Variants in DCDC2 observed in about 807,000 individuals in gnomAD.
The protein encoded by DCDC2 is doublecortin domain-containing protein 2.
In DCDC2, 40 loss-of-function variants were observed where a neutral mutation model predicts 50.2. The observed-to-expected ratio is 0.80, with a 90% confidence interval of 0.62 to 1.04. The LOEUF is 1.04. DCDC2 is among the 50% of genes least tolerant of loss of function. The pLI is 0.00. For synonymous variants in DCDC2, 234 were observed against 210.6 expected (o/e 1.11, Z -0.96); for missense variants, 570 against 581.9 (o/e 0.98, Z 0.21).
intron 2 of DCDC2, among the ~76,000 whole-genome samples, chr6:24,334,929 G>A (rs1347064253): frequency 6.6e-6 from 1 of 152,158 alleles, no homozygotes; most frequent in Non-Finnish European, 1.5e-5. Context: ...AGACAAAGCA[G>A]GCAGAGCAGT....
intron 2 of DCDC2, among the ~76,000 whole-genome samples, chr6:24,349,348 C>T (rs1760322146): frequency 6.6e-6 from 1 of 152,212 alleles, no homozygotes; most frequent in Non-Finnish European, 1.5e-5. Context: ...ATGTCTTAAT[C>T]ATTTTGCTTA....
rs370578665 is a variant in DCDC2, at chr6:24,263,098, C to A, written c.922+14951G>T. Among the ~76,000 whole-genome samples the A allele has an allele frequency of 3.2e-4, 48 of 152,364 alleles. 2 individuals carry two copies. In the South Asian group the frequency reaches 8.3e-3, roughly 26 times the overall value. ...TCTCTGCCTGGTAATGCAGGGAATT[C>A]TCTTGGATCTTACCCCAGATCACCA... On this transcript the variant is annotated intron_variant, in intron 7 of 9. Transcript: ENST00000378454.
At chr6:24,233,327 T>A (rs569301507) in intron 7 of DCDC2, among the ~76,000 whole-genome samples, 5 of 152,222 alleles carry the variant, frequency 3.3e-5, no homozygotes, top group African/African-American at 9.6e-5. Context: ...TCATATTATG[T>A]GGCGTGGTTA....
At chr6:24,370,738 G>A in the DCDC2 span, among the ~76,000 whole-genome samples, 3 of 151,954 alleles carry the variant, frequency 2.0e-5, no homozygotes, top group South Asian at 2.1e-4. Flanking sequence ...ACGTAGATTC[G>A]CATACAAAAA....
intron 7 of DCDC2, among the ~76,000 whole-genome samples, chr6:24,205,616 C>T (rs1761703501): frequency 1.3e-5 from 2 of 152,010 alleles, no homozygotes; most frequent in Admixed American, 1.3e-4. Context: ...TTCCATATCT[C>T]ACCAAAAAAT....
intron 7 of DCDC2, among the ~76,000 whole-genome samples, chr6:24,214,389 A>G (rs1049535326): frequency 5.9e-5 from 9 of 152,190 alleles, no homozygotes; most frequent in Non-Finnish European, 1.2e-4. Flanking sequence ...TTATTCCTAC[A>G]CTTCTGTTAT....
At chr6:24,348,810 T>C (rs1285194077) in intron 2 of DCDC2, among the ~76,000 whole-genome samples, 1 of 152,128 alleles carries the variant, frequency 6.6e-6, no homozygotes, top group Admixed American at 6.5e-5. Flanking sequence ...CACTAGATAA[T>C]CATAGCTAGT....
chr6:24,216,391 A>C (rs532887791), intron 7 of DCDC2, among the ~76,000 whole-genome samples: 1 of 152,302 alleles, frequency 6.6e-6, no homozygotes, highest in South Asian at 2.1e-4. Context: ...CCAAAGGAAT[A>C]ATCAGTATTA....
chr6:24,236,835 C>T (rs1232383163), intron 7 of DCDC2, among the ~76,000 whole-genome samples: 1 of 152,028 alleles, frequency 6.6e-6, no homozygotes. Flanking sequence ...TATGGTAAAA[C>T]CCCATCTCTA....
the DCDC2 span, among the ~76,000 whole-genome samples, chr6:24,371,014 G>A: frequency 3.9e-5 from 6 of 152,032 alleles, no homozygotes; most frequent in African/African-American, 1.4e-4. Context: ...TAAAGAACAC[G>A]CCTGTAATCC....
chr6:24,201,172 T>C (rs2876667), intron 8 of DCDC2, among the ~76,000 whole-genome samples: 27,159 of 151,954 alleles, frequency 0.18, 2,781 homozygotes, highest in African/African-American at 0.25. Flanking sequence ...ATCAACAGAA[T>C]CCACCACCCC....
At chr6:24,283,172 A>G (rs1181614875) in intron 6 of DCDC2, among the ~76,000 whole-genome samples, 1 of 152,212 alleles carries the variant, frequency 6.6e-6, no homozygotes, top group East Asian at 1.9e-4. Context: ...TGTCACTAGA[A>G]AACAGCCTTC....
At chr6:24,208,613 AC>A (rs1234171611) in intron 7 of DCDC2, among the ~76,000 whole-genome samples, 2 of 150,918 alleles carry the variant, frequency 1.3e-5, no homozygotes, top group African/African-American at 2.4e-5. Context: ...CAGGTGATCC[AC>A]CCTCCTCAGC....
At chr6:24,301,612 G>A in intron 4 of DCDC2, 103 bp downstream of exon 4, 1 of 1,401,152 alleles carries the variant, frequency 7.1e-7, no homozygotes, top group Non-Finnish European at 9.8e-7. Context: ...GGGCCTAACT[G>A]GGGAGCCAAA....
chr6:24,255,160 C>T (rs1762876663), intron 7 of DCDC2, among the ~76,000 whole-genome samples: 1 of 152,146 alleles, frequency 6.6e-6, no homozygotes, highest in East Asian at 1.9e-4. Context: ...AACTGATTCA[C>T]ATATACATAA....
rs1763812348 is a variant in DCDC2 at position 24,294,202 on chromosome 6, C to CA, written c.558-3125dup. On this transcript the variant is annotated intron_variant, in intron 4 of 9. Transcript: ENST00000378454. ...TGAAACCCCGTCTCTACAAAAAATACAAAAAAATTAGCTGGGTATGGTGGC... is the reference window on the plus strand; with the variant it reads ...TGAAACCCCGTCTCTACAAAAAATACAAAAAAAATTAGCTGGGTATGGTGGC... Among the ~76,000 whole-genome samples the CA allele has an allele frequency of 2.0e-5, 3 of 151,884 alleles. No individual in the cohort carries two copies. In the South Asian group the frequency reaches 6.3e-4, roughly 32 times the overall value.
rs60603298 is a variant in DCDC2, at chr6:24,207,256, T to TTCTCTCTCTCTCTCTCTC, written c.923-2172_923-2155dup. On this transcript the variant is annotated intron_variant, in intron 7 of 9. Transcript: ENST00000378454. ...CTTCCCTCCCTCACTCCATCTATCTTTCTCTCTCTCTCTCTCTCTCTCTCT... is the reference window on the plus strand; with the variant it reads ...CTTCCCTCCCTCACTCCATCTATCTTTCTCTCTCTCTCTCTCTCTCTCTCTCTCTCTCTCTCTCTCTCT... Among the ~76,000 whole-genome samples, 627 of 129,646 alleles carry TTCTCTCTCTCTCTCTCTC rather than the reference T, an allele frequency of 4.8e-3. 2 individuals are homozygous for TTCTCTCTCTCTCTCTCTC. The highest frequency in any genetic ancestry group is 0.012 in the Middle Eastern group (3 of 258). 85.1% of individuals were successfully genotyped at this position (129,646 alleles called of 152,430 possible).
At chr6:24,244,343 T>C (rs558178512) in intron 7 of DCDC2, among the ~76,000 whole-genome samples, 2 of 152,310 alleles carry the variant, frequency 1.3e-5, no homozygotes, top group South Asian at 4.2e-4. Context: ...AAAAAGTATG[T>C]GATTCATTTC....
At chr6:24,355,360 C>CA (rs1309865741) in intron 1 of DCDC2, among the ~76,000 whole-genome samples, 1 of 151,776 alleles carries the variant, frequency 6.6e-6, no homozygotes, top group Non-Finnish European at 1.5e-5. Flanking sequence ...TTCAGCCGTT[C>CA]AGAGATTCTG....
Sources: gnomAD v4.1 joint callset for allele counts (sites outside exome capture counted in the v4.1 genomes callset) on GRCh38, gnomAD v4.1.1 for gene constraint, MANE v1.5 for transcripts, NCBI Gene and HGNC (gene_info 2026-07-23, HGNC 2026-07-21) for gene names.